Variants in PITPNM2 observed in about 807,000 individuals in gnomAD.
PITPNM2 encodes membrane-associated phosphatidylinositol transfer protein 2.
In PITPNM2, 35 loss-of-function variants were observed where a neutral mutation model predicts 132.2. The observed-to-expected ratio is 0.26, with a 90% confidence interval of 0.20 to 0.35. The LOEUF (loss-of-function observed/expected upper bound fraction) is 0.35, where lower values mean the gene tolerates loss of function less well. Among genes scored for constraint, PITPNM2 ranks in the 10% least tolerant of loss-of-function variants. PITPNM2 has a pLI of 1.00. For synonymous variants in PITPNM2, 738 were observed against 799.2 expected (o/e 0.92, Z 1.29); for missense variants, 1,332 against 1,912.0 (o/e 0.70, Z 5.66).
chr12:123,039,642 C>T (rs1273439581), intron 2 of PITPNM2, among the ~76,000 whole-genome samples: 1 of 152,154 alleles, frequency 6.6e-6, no homozygotes, highest in Admixed American at 6.5e-5. Context: ...TGTCCTCATA[C>T]ATTTGTCCAA....
At chr12:122,990,092 C>T (rs1255516766) in intron 17 of PITPNM2, 144 bp from the exon 18 acceptor site, 8 of 634,870 alleles carry the variant, frequency 1.3e-5, no homozygotes, top group Non-Finnish European at 1.9e-5. Context: ...CGGATGAACA[C>T]AACTGCCAGC....
At chr12:123,068,679 G>C (rs1250501408) in intron 2 of PITPNM2, among the ~76,000 whole-genome samples, 2 of 152,066 alleles carry the variant, frequency 1.3e-5, no homozygotes, top group African/African-American at 4.8e-5. Context: ...TCCCATAATG[G>C]GGAGCTGAGG....
chr12:123,046,481 T>C (rs2040662774), intron 2 of PITPNM2, among the ~76,000 whole-genome samples: 1 of 152,226 alleles, frequency 6.6e-6, no homozygotes, highest in Admixed American at 6.5e-5. Flanking sequence ...TTCACCACTT[T>C]AAAGTGGTTT....
chr12:123,022,805 G>A lies in PITPNM2; in HGVS notation c.79-8763C>T, dbSNP rs973722015. 3.3e-5 allele frequency among the ~76,000 whole-genome samples: 5 copies of A among 152,212 alleles called. No individual in the cohort carries two copies. Among genetic ancestry groups the A allele is most frequent in the Admixed American group, 1.3e-4 (2 of 15,286 alleles). ...ACCAGGCATGGTGGGTAGCTGGTCT[G>A]GCAGGAATTGAGGGGAAGGGGAGGT... On this transcript the variant is annotated intron_variant, in intron 3 of 25. Coordinates refer to ENST00000320201, the MANE Select transcript of PITPNM2 (RefSeq NM_020845.3). This position sits in a 1 kb window ranked among gnomAD's most constrained non-coding sequence, Gnocchi z 4.9.
chr12:123,022,942 G>A lies in PITPNM2; in HGVS notation c.79-8900C>T, dbSNP rs1203579987. Among the ~76,000 whole-genome samples the A allele has an allele frequency of 6.6e-6, 1 of 152,146 alleles. No individual in the cohort carries two copies. Among genetic ancestry groups the A allele is most frequent in the South Asian group, 2.1e-4 (1 of 4,822 alleles). On this transcript the variant is annotated intron_variant, in intron 3 of 25. Transcript: ENST00000320201. This position sits in a 1 kb window ranked among gnomAD's most constrained non-coding sequence, Gnocchi z 4.9. ...CCCAAACCTCCCTCCCCAGAGCCCC[G>A]CTGGGACCAAGCAAGGCGGGCTGTG...
chr12:123,040,153 T>C (rs1273770903), intron 2 of PITPNM2, among the ~76,000 whole-genome samples: 1 of 151,684 alleles, frequency 6.6e-6, no homozygotes, highest in Non-Finnish European at 1.5e-5. Flanking sequence ...AGTTTATTAT[T>C]AAAAAAAAAT....
chr12:123,115,219 C>T (rs2137380877), intron 1 of PITPNM2, among the ~76,000 whole-genome samples: 1 of 152,272 alleles, frequency 6.6e-6, no homozygotes, highest in South Asian at 2.1e-4. Context: ...TATTTTATGA[C>T]CCTACTCCCC....
chr12:123,077,705 G>A lies in PITPNM2; in HGVS notation c.-96+32680C>T, dbSNP rs1357029865. Among the ~76,000 whole-genome samples, 1 of 152,220 alleles carries A rather than the reference G, an allele frequency of 6.6e-6. No homozygotes were observed. The highest frequency in any genetic ancestry group is 1.5e-5 in the Non-Finnish European group (1 of 68,034). Reference sequence around the variant, plus strand: ...TCCATCCCAGCTCTTCGGAGAGAAAGCAAGCAGCCCGCGTGACCAGACAGA... The same window carrying A: ...TCCATCCCAGCTCTTCGGAGAGAAAACAAGCAGCCCGCGTGACCAGACAGA... On this transcript the variant is annotated intron_variant, in intron 2 of 25. Transcript: ENST00000320201. The surrounding 1 kb of genome is among the most constrained non-coding windows in gnomAD (Gnocchi z 4.8).
At chr12:123,129,523 T>C (rs929887539) in intron 1 of PITPNM2, among the ~76,000 whole-genome samples, 2 of 149,966 alleles carry the variant, frequency 1.3e-5, no homozygotes, top group Non-Finnish European at 1.5e-5. Context: ...TGAGCCGAGA[T>C]TGCGCCACTG....
At chr12:123,119,172 C>A (rs1566300930) in intron 1 of PITPNM2, among the ~76,000 whole-genome samples, 2 of 152,172 alleles carry the variant, frequency 1.3e-5, no homozygotes, top group Admixed American at 1.3e-4. Context: ...GATTCTGTGG[C>A]CACCTGGGGG....
chr12:122,995,761 C>A, intron 13 of PITPNM2, 101 bp from the exon 14 acceptor site: 2 of 1,417,996 alleles, frequency 1.4e-6, no homozygotes, highest in Admixed American at 5.2e-5. Flanking sequence ...CCAGGCCAAG[C>A]GGCCACTGTC....
chr12:123,112,244 C>T (rs540331659), intron 1 of PITPNM2, among the ~76,000 whole-genome samples: 7 of 152,306 alleles, frequency 4.6e-5, no homozygotes, highest in African/African-American at 1.7e-4. Flanking sequence ...GGGCTCAAAA[C>T]ATCCCTGGAA....
intron 2 of PITPNM2, among the ~76,000 whole-genome samples, chr12:123,053,173 C>A (rs747974508): frequency 1.3e-5 from 2 of 152,166 alleles, no homozygotes; most frequent in Non-Finnish European, 2.9e-5. Context: ...GTGTAAGCCA[C>A]CTTGCCTGGC....
intron 2 of PITPNM2, among the ~76,000 whole-genome samples, chr12:123,034,979 C>T (rs1014672163): frequency 4.6e-5 from 7 of 152,226 alleles, no homozygotes; most frequent in Admixed American, 3.3e-4. Context: ...GGTAAGAACA[C>T]CGTGCTCTTG....
intron 3 of PITPNM2, among the ~76,000 whole-genome samples, chr12:123,019,597 C>T (rs892572988): frequency 5.3e-5 from 8 of 152,216 alleles, no homozygotes; most frequent in African/African-American, 1.9e-4. Context: ...TCCTCTCTCC[C>T]TCCAGGAAAG....
intron 3 of PITPNM2, among the ~76,000 whole-genome samples, chr12:123,030,693 A>C (rs891865850): frequency 3.3e-4 from 47 of 143,432 alleles, no homozygotes; most frequent in Non-Finnish European, 1.2e-4. Flanking sequence ...ACTCCATCTC[A>C]AAAAAAAAAA....
At chr12:123,141,448 T>C (rs896308032) in intron 1 of PITPNM2, among the ~76,000 whole-genome samples, 2 of 152,176 alleles carry the variant, frequency 1.3e-5, no homozygotes, top group Non-Finnish European at 2.9e-5. Flanking sequence ...CCACTGGGCC[T>C]GGCACCAGCA....
chr12:122,991,726 C>T (rs745970883), intron 16 of PITPNM2: 10 of 1,294,820 alleles, frequency 7.7e-6, no homozygotes, highest in South Asian at 3.2e-5. Flanking sequence ...ACGAAGCAGA[C>T]GTCACCACGA....
At chr12:123,059,834 TG>T (rs1389617053) in intron 2 of PITPNM2, among the ~76,000 whole-genome samples, 1 of 151,986 alleles carries the variant, frequency 6.6e-6, no homozygotes, top group Non-Finnish European at 1.5e-5. Flanking sequence ...GGGAAGTGAC[TG>T]CTTAAAAGGG....
Sources: allele counts gnomAD v4.1 joint callset (sites outside exome capture counted in the v4.1 genomes callset), GRCh38; gene constraint gnomAD v4.1.1; non-coding constraint Gnocchi (gnomAD v3.1); transcripts MANE v1.5; gene names NCBI Gene and HGNC (gene_info 2026-07-23, HGNC 2026-07-21).